Variants in LOXHD1 observed in about 807,000 individuals in gnomAD.
LOXHD1 encodes the protein lipoxygenase homology PLAT domains 1, also known as lipoxygenase homology domain-containing protein 1.
A neutral mutation model predicts 248.2 loss-of-function variants in LOXHD1; 205 were observed. The observed-to-expected ratio is 0.83, with a 90% confidence interval of 0.74 to 0.93. LOXHD1 has a LOEUF of 0.93. LOXHD1 is among the 40% of genes least tolerant of loss of function. The pLI, the probability that LOXHD1 is intolerant of heterozygous loss-of-function variation, is 0.00. For missense variants in LOXHD1, 2,930 were observed against 2,971.6 expected (o/e 0.99, Z 0.33); for synonymous variants, 1,113 against 1,162.8 (o/e 0.96, Z 0.87).
intron 35 of LOXHD1, among the ~76,000 whole-genome samples, chr18:46,508,635 A>G (rs376862871): frequency 1.3e-5 from 2 of 152,252 alleles, no homozygotes; most frequent in Non-Finnish European, 2.9e-5. Context: ...GCCTGAGACT[A>G]TAACATACAT....
At position 46,656,954 on chromosome 18, in the gene LOXHD1, G is replaced by A; in HGVS notation, c.80C>T (p.Ala27Val). The A allele has an allele frequency of 1.3e-6, 2 of 1,551,622 alleles. No homozygotes were observed. Among genetic ancestry groups the A allele is most frequent in the Non-Finnish European group, 1.7e-6 (2 of 1,146,934 alleles). The stretch of plus-strand genomic sequence containing the variant: ...CAGCTCCCCCTCGTCGTCCTCCGAG[G>A]CGTAGTTCAGCAGCTCCGCTTCGTA... ...ALYEAELLNY[A>V]SEDDEGELEH... is the part of the protein sequence containing the mutation. Residue 27 changes from alanine to valine, a missense_variant, in exon 1 of 41, where the codon GCC (alanine) becomes GTC (valine). Physicochemically the swap from Ala to Val is moderately conservative, Grantham distance 64 (BLOSUM62 0). Transcript: ENST00000642948.
chr18:46,537,115 C>T (rs2036346806), intron 26 of LOXHD1, among the ~76,000 whole-genome samples: 1 of 152,172 alleles, frequency 6.6e-6, no homozygotes, highest in African/African-American at 2.4e-5. Flanking sequence ...TGCTAATGCC[C>T]CCTTTCAGAT....
At chr18:46,538,816 A>G (rs1265347512) in intron 25 of LOXHD1, among the ~76,000 whole-genome samples, 7 of 152,158 alleles carry the variant, frequency 4.6e-5, no homozygotes, top group Admixed American at 4.6e-4. Context: ...CGGCCAGTCT[A>G]CGGTAGTGAG....
intron 1 of LOXHD1, among the ~76,000 whole-genome samples, chr18:46,651,847 GA>G (rs1359530232): frequency 1.3e-5 from 2 of 152,162 alleles, no homozygotes; most frequent in African/African-American, 4.8e-5. Context: ...TTTTTAAGAA[GA>G]TAAGTGTACA....
intron 27 of LOXHD1, 91 bp from the exon 28 acceptor site, chr18:46,533,415 G>C: frequency 6.9e-7 from 1 of 1,442,072 alleles, no homozygotes; most frequent in South Asian, 1.3e-5. Context: ...GGAGACCAAG[G>C]ACAAGGATCA....
intron 40 of LOXHD1, among the ~76,000 whole-genome samples, chr18:46,478,804 T>C (rs891723848): frequency 2.6e-5 from 4 of 152,212 alleles, no homozygotes; most frequent in African/African-American, 9.6e-5. Context: ...GTCATCCTCC[T>C]GCCTCAGCCT....
At chr18:46,569,033 G>A (rs2037697941) in intron 16 of LOXHD1, among the ~76,000 whole-genome samples, 2 of 152,238 alleles carry the variant, frequency 1.3e-5, no homozygotes, top group Non-Finnish European at 2.9e-5. Context: ...ACTCAAGTTT[G>A]AAATTGGGAA....
At chr18:46,512,735 T>C (rs1294300018) in intron 34 of LOXHD1, among the ~76,000 whole-genome samples, 2 of 152,224 alleles carry the variant, frequency 1.3e-5, no homozygotes, top group Non-Finnish European at 2.9e-5. Context: ...CCAGAATAAA[T>C]TGTTGAATTG....
chr18:46,495,972 C>T (rs1415849724), intron 37 of LOXHD1, among the ~76,000 whole-genome samples: 1 of 152,102 alleles, frequency 6.6e-6, no homozygotes, highest in African/African-American at 2.4e-5. Context: ...GCGGAGGTTG[C>T]AGTGAGCCGA....
intron 27 of LOXHD1, 140 bp from the exon 28 acceptor site, chr18:46,533,464 C>T (rs2036166244): frequency 1.2e-6 from 1 of 826,518 alleles, no homozygotes; most frequent in African/African-American, 1.7e-5. Context: ...CAGGAGAGCC[C>T]CTTGCCCCAA....
At chr18:46,525,349 G>C (rs1165611215) in intron 29 of LOXHD1, among the ~76,000 whole-genome samples, 2 of 152,170 alleles carry the variant, frequency 1.3e-5, no homozygotes, top group Admixed American at 6.5e-5. Flanking sequence ...CTCTTCTAGA[G>C]ATGAACTTCT....
At chr18:46,516,142 C>G (rs1234558440) in intron 34 of LOXHD1, among the ~76,000 whole-genome samples, 1 of 152,166 alleles carries the variant, frequency 6.6e-6, no homozygotes, top group Admixed American at 6.5e-5. Flanking sequence ...ATTTCTAGAA[C>G]CAAGTTCAAA....
At chr18:46,492,093 A>G (rs1237698851) in intron 37 of LOXHD1, among the ~76,000 whole-genome samples, 1 of 148,936 alleles carries the variant, frequency 6.7e-6, no homozygotes. Context: ...CTAAGAATCT[A>G]TGAAACATGC....
intron 3 of LOXHD1, among the ~76,000 whole-genome samples, chr18:46,640,574 A>C (rs909821625): frequency 1.3e-5 from 2 of 152,378 alleles, no homozygotes; most frequent in South Asian, 4.1e-4. Context: ...TGTTTCATTT[A>C]ATTCCATTTA....
intron 29 of LOXHD1, among the ~76,000 whole-genome samples, chr18:46,526,024 A>G (rs2035811993): frequency 6.6e-6 from 1 of 152,110 alleles, no homozygotes. Context: ...GGGAAAGACC[A>G]TGGCCAAGGC....
chr18:46,584,515 A>T (rs945788217), intron 12 of LOXHD1, among the ~76,000 whole-genome samples: 6 of 152,150 alleles, frequency 3.9e-5, no homozygotes, highest in African/African-American at 1.4e-4. Flanking sequence ...ATACAATTAC[A>T]ATATGTCCAT....
At chr18:46,647,068 C>G (rs1294699906) in intron 2 of LOXHD1, among the ~76,000 whole-genome samples, 6 of 152,234 alleles carry the variant, frequency 3.9e-5, no homozygotes, top group Non-Finnish European at 5.9e-5. Flanking sequence ...GCTGCCCAAC[C>G]TGGAACATGG....
In LOXHD1 at chr18:46,519,768, GA is replaced by G. The variant is rs576939600; in HGVS notation, c.5271+1328del. Reference sequence around the variant, plus strand: ...CATCCATCTTTCTCTCCTTTACACAGATACATCTCTTTTTATGTAATAAGTG... The same window carrying G: ...CATCCATCTTTCTCTCCTTTACACAGTACATCTCTTTTTATGTAATAAGTG... On this transcript the variant is annotated intron_variant, in intron 33 of 40. Coordinates refer to ENST00000642948, the MANE Select transcript of LOXHD1 (RefSeq NM_001384474.1). Among the ~76,000 whole-genome samples the G allele has an allele frequency of 2.4e-3, 365 of 152,320 alleles. 1 individual carries two copies. Among genetic ancestry groups the G allele is most frequent in the Middle Eastern group, 0.01 (3 of 294 alleles).
At chr18:46,579,292 C>T (rs1193576780) in intron 13 of LOXHD1, among the ~76,000 whole-genome samples, 2 of 152,200 alleles carry the variant, frequency 1.3e-5, no homozygotes, top group East Asian at 1.9e-4. Context: ...GTTCTGCTCT[C>T]TTCTCAAAGC....
Sources: gnomAD v4.1 joint callset for allele counts (sites outside exome capture counted in the v4.1 genomes callset) on GRCh38, gnomAD v4.1.1 for gene constraint, MANE v1.5 for transcripts, NCBI Gene and HGNC (gene_info 2026-07-23, HGNC 2026-07-21) for gene names.